The following DDC variants were observed in gnomAD, a reference collection of about 807,000 sequenced individuals.
DDC encodes dopa decarboxylase, also known as aromatic-L-amino-acid decarboxylase.
In DDC, 43 loss-of-function variants were observed where a neutral mutation model predicts 60.0. The observed-to-expected ratio is 0.72, with a 90% CI of 0.56 to 0.92. The LOEUF (loss-of-function observed/expected upper bound fraction) is 0.92. Ranked by LOEUF, DDC falls within the 40% of genes least tolerant of loss-of-function variation. The pLI, the probability that DDC is intolerant of heterozygous loss-of-function variation, is 0.00. For missense variants in DDC, 573 were observed against 620.2 expected, an observed-to-expected ratio of 0.92 and a Z score of 0.81; for synonymous variants, 232 against 234.6, an observed-to-expected ratio of 0.99 and a Z score of 0.10.
intron 14 of DDC, among the ~76,000 whole-genome samples, chr7:50,460,344 C>T (rs1357129087): frequency 6.9e-6 from 1 of 144,328 alleles, no homozygotes; most frequent in Non-Finnish European, 1.5e-5. Flanking sequence ...CCAGCCGCCC[C>T]GTCCAGGAAG....
At chr7:50,506,779 C>G (rs2043409858) in intron 6 of DDC, among the ~76,000 whole-genome samples, 1 of 152,268 alleles carries the variant, frequency 6.6e-6, no homozygotes, top group Admixed American at 6.5e-5. Context: ...TACAGACCTG[C>G]CCGGTCTATC....
Position 50,544,068 on chromosome 7 carries a change from G to A in DDC, c.18C>T (p.Phe6=), listed in dbSNP as rs1287025678. 1 of 1,613,974 alleles carries A rather than the reference G, an allele frequency of 6.2e-7. No homozygotes were observed. The highest frequency in any genetic ancestry group is 8.5e-7 in the Non-Finnish European group (1 of 1,179,988). ...CCACCATCTCCTTCCCTCTCCTTCG[G>A]AATTCACTTGCGTTCATGGTGTCTG... MNASE[F]RRRGKEMVDY... is the part of the protein sequence containing the mutation. Residue 6 remains phenylalanine (F), a synonymous_variant, in exon 2 of 15, where the codon TTC becomes TTT. Transcript: ENST00000444124.
At position 50,538,335 on chromosome 7, in the gene DDC, C is replaced by T. The variant is rs571489725; in HGVS notation, c.316-356G>A. 7.2e-5 allele frequency among the ~76,000 whole-genome samples: 11 copies of T among 152,306 alleles called. No individual in the cohort carries two copies. In the South Asian group the frequency reaches 2.3e-3, roughly 32 times the overall value. On this transcript the variant is annotated intron_variant, in intron 3 of 14. Transcript: ENST00000444124. Reference sequence around the variant, plus strand: ...GAGAAAGTGGGCGCTGGGCAGCTGTCACCCTCTGGGCATCCCGAGAAGCCA... The same window carrying T: ...GAGAAAGTGGGCGCTGGGCAGCTGTTACCCTCTGGGCATCCCGAGAAGCCA...
intron 8 of DDC, among the ~76,000 whole-genome samples, chr7:50,497,451 C>A (rs1262683455): frequency 1.3e-5 from 2 of 152,182 alleles, no homozygotes; most frequent in African/African-American, 4.8e-5. Flanking sequence ...TAGAAAAGAG[C>A]ATCAAGCTCA....
intron 6 of DDC, among the ~76,000 whole-genome samples, chr7:50,520,667 A>T (rs1414812418): frequency 2.0e-5 from 3 of 152,214 alleles, no homozygotes; most frequent in African/African-American, 7.2e-5. Flanking sequence ...TAATCCCAGC[A>T]CTTTGGGAGG....
intron 10 of DDC, among the ~76,000 whole-genome samples, chr7:50,476,979 A>ATCAT (rs1056124054): frequency 6.6e-5 from 10 of 152,346 alleles, no homozygotes; most frequent in African/African-American, 1.9e-4. Flanking sequence ...TAAATCGTTC[A>ATCAT]TCATTCATTC....
At chr7:50,561,047 C>A (rs2153554760) in intron 1 of DDC, 1 of 88,466 alleles carries the variant, frequency 1.1e-5, no homozygotes, top group South Asian at 4.4e-4. Flanking sequence ...TCTGTCCTCT[C>A]TCTCTCCTCT....
At chr7:50,534,033 T>C (rs1240640771) in intron 4 of DDC, among the ~76,000 whole-genome samples, 1 of 152,256 alleles carries the variant, frequency 6.6e-6, no homozygotes, top group Non-Finnish European at 1.5e-5. Flanking sequence ...AGCACAATGC[T>C]GAAAACCTGG....
intron 4 of DDC, among the ~76,000 whole-genome samples, chr7:50,530,516 T>G (rs2044170355): frequency 6.6e-6 from 1 of 152,216 alleles, no homozygotes; most frequent in Non-Finnish European, 1.5e-5. Flanking sequence ...CAGGGCCTGC[T>G]ATGTTATCCC....
intron 1 of DDC, among the ~76,000 whole-genome samples, chr7:50,560,421 A>G (rs539693580): frequency 6.0e-4 from 92 of 152,244 alleles, no homozygotes; most frequent in African/African-American, 1.8e-3. Context: ...CTTATTCACA[A>G]TAGAGCTCTC....
chr7:50,528,716 A>C (rs2044110441), intron 5 of DDC, among the ~76,000 whole-genome samples: 1 of 152,152 alleles, frequency 6.6e-6, no homozygotes, highest in Non-Finnish European at 1.5e-5. Context: ...GAAAGAAACC[A>C]GCCAGGAGGC....
rs11575292 is a variant in DDC at position 50,543,903 on chromosome 7, C to A, written c.183G>T (p.Glu61Asp). The A allele has an allele frequency of 9.0e-4, 1,452 of 1,614,176 alleles. 13 individuals are homozygous for A. In the African/African-American group the frequency reaches 0.018, roughly 20 times the overall value. ...DTFEDIINDVEKIIMPGVTHW... is the reference protein window; with the variant it reads ...DTFEDIINDVDKIIMPGVTHW... ...CACTTACCCCAGGCATGATTATCTTCTCAACGTCGTTGATGATGTCCTCAA... is the reference window on the plus strand; with the variant it reads ...CACTTACCCCAGGCATGATTATCTTATCAACGTCGTTGATGATGTCCTCAA... The change falls in exon 2 of 15, where the codon GAG (glutamate) becomes GAT (aspartate). Residue 61 changes from glutamate (E) to aspartate (D), a missense_variant. Coordinates refer to ENST00000444124, the MANE Select transcript of DDC (RefSeq NM_001082971.2).
At chr7:50,462,292 T>G (rs553367893) in intron 14 of DDC, among the ~76,000 whole-genome samples, 1 of 147,160 alleles carries the variant, frequency 6.8e-6, no homozygotes, top group Admixed American at 6.7e-5. Context: ...CAGGATGACA[T>G]TCTTAAGATA....
At chr7:50,465,786 G>T (rs1317085237) in intron 13 of DDC, among the ~76,000 whole-genome samples, 1 of 152,252 alleles carries the variant, frequency 6.6e-6, no homozygotes. Flanking sequence ...GAAAACAACT[G>T]CTTGACAGCA....
chr7:50,493,761 GACAAAAAATAATT>G (rs1409793749), intron 9 of DDC, among the ~76,000 whole-genome samples: 1 of 151,754 alleles, frequency 6.6e-6, no homozygotes, highest in Non-Finnish European at 1.5e-5. Context: ...GAAAAAGACT[GACAAAAAATAATT>G]TGATTTGTAT....
Position 50,499,192 on chromosome 7 carries a change from C to T in DDC, c.832G>A (p.Ala278Thr). ...LHVDAAYAGS[A>T]FICPEFRHLL... is the part of the protein sequence containing the mutation. ...TGCCGGAACTCAGGGCAGATGAATG[C>T]ACTGCCTGCGTAGGCTGCATCAACG... Residue 278 changes from alanine (A) to threonine (T), a missense_variant, in exon 8 of 15, where the codon GCA (alanine) becomes ACA (threonine). Ala to Thr is a moderately conservative substitution (Grantham distance 58). Transcript: ENST00000444124. 1 of 1,614,004 alleles carries T rather than the reference C, an allele frequency of 6.2e-7. No individual in the cohort carries two copies. The highest frequency in any genetic ancestry group is 1.3e-5 in the African/African-American group (1 of 75,052).
At chr7:50,482,651 T>C (rs2153536749) in intron 9 of DDC, among the ~76,000 whole-genome samples, 1 of 152,326 alleles carries the variant, frequency 6.6e-6, no homozygotes, top group East Asian at 1.9e-4. Context: ...TGTGCTGAGG[T>C]CTAATATCGA....
intron 13 of DDC, among the ~76,000 whole-genome samples, chr7:50,466,648 T>C (rs2042405417): frequency 6.6e-6 from 1 of 152,210 alleles, no homozygotes; most frequent in Non-Finnish European, 1.5e-5. Context: ...TAGAGATGGC[T>C]TATGCCCCAA....
At chr7:50,556,156 G>A (rs116884869) in intron 1 of DDC, among the ~76,000 whole-genome samples, 1,999 of 152,260 alleles carry the variant, frequency 0.013, 18 homozygotes, top group Non-Finnish European at 0.019. Flanking sequence ...AGGTGAGACC[G>A]TGGCCAAGCC....
Sources: gnomAD v4.1 joint callset for allele counts (sites outside exome capture counted in the v4.1 genomes callset) on GRCh38, gnomAD v4.1.1 for gene constraint, MANE v1.5 for transcripts, NCBI Gene and HGNC (gene_info 2026-07-23, HGNC 2026-07-21) for gene names.